The following USP32 variants were observed in gnomAD, a reference collection of about 807,000 sequenced individuals.
USP32 encodes the protein ubiquitin carboxyl-terminal hydrolase 32.
A neutral mutation model predicts 204.8 loss-of-function variants in USP32; 59 were observed. The ratio of observed to expected loss-of-function variants is 0.29; its 90% CI spans 0.23 to 0.36. USP32 has a LOEUF of 0.36. Ranked by LOEUF, USP32 falls within the 10% of genes least tolerant of loss-of-function variation. The pLI, the probability that USP32 is intolerant of heterozygous loss-of-function variation, is 1.00. For synonymous variants in USP32, 517 were observed against 678.4 expected (o/e 0.76, Z 3.70); for missense variants, 1,160 against 1,946.4 (o/e 0.60, Z 7.60).
At chr17:60,301,748 G>A in intron 2 of USP32, 44 bp from the exon 3 acceptor site, 3 of 1,387,572 alleles carry the variant, frequency 2.2e-6, no homozygotes, top group Non-Finnish European at 3.0e-6. Context: ...CATTTCAGTT[G>A]TTGAGGAATC....
upstream of USP32, among the ~76,000 whole-genome samples, chr17:60,393,929 C>A (rs1033892516): frequency 1.3e-5 from 2 of 152,196 alleles, no homozygotes; most frequent in African/African-American, 4.8e-5. Flanking sequence ...GATGATCCGC[C>A]CGCCTCAGCC....
intron 1 of USP32, among the ~76,000 whole-genome samples, chr17:60,383,717 C>A (rs2089684457): frequency 6.6e-6 from 1 of 152,218 alleles, no homozygotes. Flanking sequence ...AATGCAAAGG[C>A]TGCAAGCCAG....
At chr17:60,323,541 C>T (rs968139211) in intron 2 of USP32, among the ~76,000 whole-genome samples, 1 of 152,126 alleles carries the variant, frequency 6.6e-6, no homozygotes, top group Admixed American at 6.6e-5. Flanking sequence ...GTAATGGGTA[C>T]ACAACTCTAT....
At chr17:60,231,243 A>G (rs1341013915) in intron 12 of USP32, among the ~76,000 whole-genome samples, 1 of 152,170 alleles carries the variant, frequency 6.6e-6, no homozygotes, top group Admixed American at 6.5e-5. Flanking sequence ...CCCTGTACAT[A>G]GGTATGTTAC....
In USP32 at chr17:60,196,084, T is replaced by C. The variant is rs189958114; in HGVS notation, c.3434+2176A>G. On this transcript the variant is annotated intron_variant, in intron 27 of 33. Transcript: ENST00000300896. ...GAGATCGAGACCATCCTGGCCAACATGGTGAAACCCTGTCTCTACTAAAAA... is the reference window on the plus strand; with the variant it reads ...GAGATCGAGACCATCCTGGCCAACACGGTGAAACCCTGTCTCTACTAAAAA... Among the ~76,000 whole-genome samples, 37 of 152,190 alleles carry C rather than the reference T, an allele frequency of 2.4e-4. No individual in the cohort carries two copies. The East Asian group carries it at 6.4e-3, about 26-fold the overall frequency.
chr17:60,301,541 T>C (rs2087576029), intron 3 of USP32, 58 bp downstream of exon 3: 2 of 1,086,300 alleles, frequency 1.8e-6, no homozygotes, highest in Non-Finnish European at 2.6e-6. Context: ...CATCAGAATT[T>C]TGAGATAAAT....
At chr17:60,390,426 C>A (rs2089811159) in intron 1 of USP32, among the ~76,000 whole-genome samples, 2 of 152,152 alleles carry the variant, frequency 1.3e-5, no homozygotes, top group South Asian at 4.1e-4. Context: ...AAATGACTAG[C>A]CTACTAGGGC....
intron 12 of USP32, among the ~76,000 whole-genome samples, chr17:60,228,860 G>T (rs1225768146): frequency 1.3e-5 from 2 of 151,112 alleles, no homozygotes; most frequent in Non-Finnish European, 2.9e-5. Flanking sequence ...TAGAAATGGA[G>T]TCTTACTGTA....
Position 60,408,626 on chromosome 17 carries a change from C to T in USP32, c.106+13620G>A, listed in dbSNP as rs747219506. On this transcript the variant is annotated intron_variant, in intron 1 of 3. Transcript: ENST00000588898. ...CTCCTGACCTCAAATGATCTGCCCA[C>T]CTCACCCTCCCAAAGTGCTGGGATT... 2.5e-3 allele frequency among the ~76,000 whole-genome samples: 375 copies of T among 152,198 alleles called. 6 individuals are homozygous for T. Among genetic ancestry groups the T allele is most frequent in the Non-Finnish European group, 7.1e-4 (48 of 67,996 alleles).
At chr17:60,336,334 CAT>C (rs2088515288) in intron 2 of USP32, among the ~76,000 whole-genome samples, 1 of 142,906 alleles carries the variant, frequency 7.0e-6, no homozygotes, top group Admixed American at 6.8e-5. Flanking sequence ...TTTTAAAGTT[CAT>C]ATATGTTTAC....
At chr17:60,246,657 T>A (rs2086035060) in intron 11 of USP32, among the ~76,000 whole-genome samples, 1 of 152,186 alleles carries the variant, frequency 6.6e-6, no homozygotes, top group Non-Finnish European at 1.5e-5. Context: ...TACATTCCCA[T>A]CAATAGTGTA....
At chr17:60,256,895 C>A in intron 9 of USP32, 1 of 465,728 alleles carries the variant, frequency 2.1e-6, no homozygotes, top group South Asian at 1.9e-5. Flanking sequence ...GTATCCAGGT[C>A]CTTCCCATAG....
At chr17:60,282,352 A>G (rs2086988683) in intron 5 of USP32, among the ~76,000 whole-genome samples, 1 of 151,986 alleles carries the variant, frequency 6.6e-6, no homozygotes. Flanking sequence ...CTAAAAACAT[A>G]GTATACTCTT....
At chr17:60,386,361 A>C (rs930352071) in intron 1 of USP32, among the ~76,000 whole-genome samples, 5 of 124,666 alleles carry the variant, frequency 4.0e-5, no homozygotes, top group Non-Finnish European at 7.7e-5. Context: ...TTAGTTCATA[A>C]ATTAAAAAAA....
At chr17:60,276,971 T>A in intron 5 of USP32, among the ~76,000 whole-genome samples, 1 of 137,004 alleles carries the variant, frequency 7.3e-6, no homozygotes, top group African/African-American at 3.5e-5. Flanking sequence ...ATATATAAAA[T>A]TACCAAACAT....
intron 2 of USP32, among the ~76,000 whole-genome samples, chr17:60,314,311 T>C (rs1315660911): frequency 6.6e-6 from 1 of 151,890 alleles, no homozygotes; most frequent in Non-Finnish European, 1.5e-5. Flanking sequence ...CTGGCTAATT[T>C]TGAGTATTTT....
At chr17:60,312,966 G>A (rs1322222100) in intron 2 of USP32, among the ~76,000 whole-genome samples, 1 of 151,898 alleles carries the variant, frequency 6.6e-6, no homozygotes, top group Non-Finnish European at 1.5e-5. Flanking sequence ...CTCTGTGGCT[G>A]GGCACGGTGG....
At chr17:60,385,368 T>A (rs2089712418) in intron 1 of USP32, among the ~76,000 whole-genome samples, 1 of 152,048 alleles carries the variant, frequency 6.6e-6, no homozygotes, top group South Asian at 2.1e-4. Flanking sequence ...TCACACAAAG[T>A]CTGTTTGGTG....
At chr17:60,335,953 A>C (rs2088506138) in intron 2 of USP32, among the ~76,000 whole-genome samples, 2 of 143,190 alleles carry the variant, frequency 1.4e-5, no homozygotes, top group South Asian at 2.1e-4. Flanking sequence ...TAAGGATAGA[A>C]GTTTCTCATA....
Sources: gnomAD v4.1 joint callset for allele counts (sites outside exome capture counted in the v4.1 genomes callset) on GRCh38, gnomAD v4.1.1 for gene constraint, MANE v1.5 for transcripts, NCBI Gene and HGNC (gene_info 2026-07-23, HGNC 2026-07-21) for gene names.